Variants in TPGS2 observed in about 807,000 individuals in gnomAD.
The protein encoded by TPGS2 is tubulin polyglutamylase complex subunit 2, also known as polyglutamylase subunit 2.
Under a neutral mutation model 31.1 loss-of-function variants are expected in TPGS2, and 26 were observed. The observed-to-expected ratio is 0.84, with a 90% confidence interval of 0.61 to 1.16. The LOEUF (loss-of-function observed/expected upper bound fraction) is 1.16, where lower values mean the gene tolerates loss of function less well. Among genes scored for constraint, TPGS2 ranks in the 50% most tolerant of loss-of-function variants. The probability of loss-of-function intolerance (pLI) is 0.00; values close to 1 mark genes in which losing one functional copy is unlikely to be tolerated. For missense variants in TPGS2, 351 were observed against 363.8 expected, an observed-to-expected ratio of 0.96 and a Z score of 0.29; for synonymous variants, 130 against 136.6, an observed-to-expected ratio of 0.95 and a Z score of 0.34.
At position 36,816,554 on chromosome 18, in the gene TPGS2, C is replaced by G. The variant is rs556997681; in HGVS notation, c.165+2340G>C. ...GTCCTCTCACCTTCCAATCCAGGTC[C>G]TCAGCAGACAGGAAAACACGAGGAT... On this transcript the variant is annotated intron_variant, in intron 2 of 6. Transcript: ENST00000334295. Among the ~76,000 whole-genome samples, 43 of 152,322 alleles carry G rather than the reference C, an allele frequency of 2.8e-4. No individual in the cohort carries two copies. The East Asian group carries it at 8.1e-3, about 29-fold the overall frequency.
intron 6 of TPGS2, among the ~76,000 whole-genome samples, chr18:36,797,401 T>C (rs1568001419): frequency 6.6e-6 from 1 of 150,534 alleles, no homozygotes; most frequent in Admixed American, 6.7e-5. Context: ...TCAAACCAGC[T>C]ACTCCCCATC....
intron 2 of TPGS2, chr18:36,817,710 T>A (rs1369203393): frequency 6.6e-6 from 1 of 152,274 alleles, no homozygotes; most frequent in East Asian, 1.9e-4. Flanking sequence ...ACACTGAGAT[T>A]ACAAGCATGA....
In TPGS2 at chr18:36,795,195, T is replaced by C. The variant is rs1424830107; in HGVS notation, c.*1610A>G. The C allele has an allele frequency of 2.0e-6, 2 of 985,334 alleles. No individual in the cohort carries two copies. Among genetic ancestry groups the C allele is most frequent in the Non-Finnish European group, 2.4e-6 (2 of 829,906 alleles). 61.0% of individuals were successfully genotyped at this position (985,334 alleles called of 1,614,324 possible). On this transcript the variant is annotated 3_prime_UTR_variant, in exon 7 of 7. Transcript: ENST00000334295. ...CTATCACTATTGTCAACAATCAAAA[T>C]AAACATGTTTCAGAGCAAAAGTGCA...
At chr18:36,781,195 C>T (rs1476843546), downstream of TPGS2, among the ~76,000 whole-genome samples, 1 of 152,078 alleles carries the variant, frequency 6.6e-6, no homozygotes, top group Non-Finnish European at 1.5e-5. Context: ...GGTCTGAGAC[C>T]CAGATGGTGG....
At chr18:36,799,145 A>G (rs1275298443) in intron 5 of TPGS2, among the ~76,000 whole-genome samples, 1 of 152,036 alleles carries the variant, frequency 6.6e-6, no homozygotes, top group Non-Finnish European at 1.5e-5. Context: ...CATTCTTACT[A>G]CTTCAAGCCT....
chr18:36,786,692 A>G (rs1048572143), intron 6 of TPGS2: 5 of 612,644 alleles, frequency 8.2e-6, no homozygotes, highest in African/African-American at 1.9e-5. Context: ...CACAAAAGGG[A>G]GGGGGTATGA....
intron 2 of TPGS2, among the ~76,000 whole-genome samples, chr18:36,811,944 T>C (rs1438113532): frequency 6.6e-6 from 1 of 152,164 alleles, no homozygotes; most frequent in African/African-American, 2.4e-5. Context: ...TGGCAATGTG[T>C]CCTATTAAAT....
intron 2 of TPGS2, among the ~76,000 whole-genome samples, chr18:36,810,213 T>G (rs1483656368): frequency 6.6e-6 from 1 of 152,194 alleles, no homozygotes; most frequent in Non-Finnish European, 1.5e-5. Flanking sequence ...GCCTTCCTAC[T>G]GCATGTAGCT....
At chr18:36,803,167 A>G (rs1253529165) in intron 4 of TPGS2, among the ~76,000 whole-genome samples, 1 of 152,152 alleles carries the variant, frequency 6.6e-6, no homozygotes, top group Admixed American at 6.5e-5. Context: ...AGCTATTTTG[A>G]AATATACATT....
At chr18:36,811,244 G>A (rs1387537436) in intron 2 of TPGS2, among the ~76,000 whole-genome samples, 1 of 152,208 alleles carries the variant, frequency 6.6e-6, no homozygotes, top group Non-Finnish European at 1.5e-5. Flanking sequence ...GATGGTGTGA[G>A]ATCCCCAAGA....
chr18:36,786,658 C>A (rs1338570265), intron 6 of TPGS2: 1 of 430,286 alleles, frequency 2.3e-6, no homozygotes, highest in African/African-American at 2.0e-5. Flanking sequence ...AATATCAATG[C>A]TGATCAGTTG....
chr18:36,819,489 GA>G (rs2045805290), intron 1 of TPGS2, among the ~76,000 whole-genome samples: 1 of 152,110 alleles, frequency 6.6e-6, no homozygotes, highest in Non-Finnish European at 1.5e-5. Context: ...AATATACTAA[GA>G]AAAAAGTTAA....
In TPGS2 at chr18:36,803,704, A is replaced by G. The variant is rs536745345; in HGVS notation, c.382+1670T>C. Among the ~76,000 whole-genome samples, 258 of 152,150 alleles carry G rather than the reference A, an allele frequency of 1.7e-3. 1 individual carries two copies. The highest frequency in any genetic ancestry group is 2.6e-3 in the Non-Finnish European group (174 of 68,012). On this transcript the variant is annotated intron_variant, in intron 4 of 6. Coordinates refer to ENST00000334295, the MANE Select transcript of TPGS2 (RefSeq NM_015476.4). ...ATCTATGCTTTAAGATATTTCTTGCACTTGATTTTTCAGGCTAACTCAGGT... is the reference window on the plus strand; with the variant it reads ...ATCTATGCTTTAAGATATTTCTTGCGCTTGATTTTTCAGGCTAACTCAGGT...
rs753558674 is a variant in TPGS2 at position 36,828,779 on chromosome 18, G to C, written c.-12C>G. ...GCCTCCTCCTCCATGGCTCGCGACCGCGATTCGCGCGCGGCGGGAGCGGGT... is the reference window on the plus strand; with the variant it reads ...GCCTCCTCCTCCATGGCTCGCGACCCCGATTCGCGCGCGGCGGGAGCGGGT... On this transcript the variant is annotated 5_prime_UTR_variant, in exon 1 of 7. Transcript: ENST00000334295. 1.9e-6 allele frequency: 3 copies of C among 1,612,006 alleles called. No homozygotes were observed. Among genetic ancestry groups the C allele is most frequent in the Non-Finnish European group, 2.5e-6 (3 of 1,179,368 alleles).
chr18:36,804,502 A>G (rs1021189910), intron 4 of TPGS2, among the ~76,000 whole-genome samples: 5 of 152,264 alleles, frequency 3.3e-5, no homozygotes, highest in African/African-American at 1.2e-4. Context: ...GGCTCTTTCC[A>G]GGGCCCATCA....
chr18:36,821,467 T>G (rs2045892522), intron 1 of TPGS2, among the ~76,000 whole-genome samples: 1 of 152,182 alleles, frequency 6.6e-6, no homozygotes, highest in African/African-American at 2.4e-5. Context: ...TGTTATCCAG[T>G]GATTGATAAC....
chr18:36,795,687 C>T lies in TPGS2; in HGVS notation c.*1118G>A, dbSNP rs1395788202. 1.0e-6 allele frequency: 1 copy of T among 985,218 alleles called. No individual in the cohort carries two copies. Among genetic ancestry groups the T allele is most frequent in the African/African-American group, 1.7e-5 (1 of 57,208 alleles). 61.0% of individuals were successfully genotyped at this position (985,218 alleles called of 1,614,324 possible). ...TTAAGCATATGTGGGCTAGAGGTTC[C>T]CCCATATGTCAATGGGAAAATGATT... is the stretch of plus-strand genomic sequence containing the variant. On this transcript the variant is annotated 3_prime_UTR_variant, in exon 7 of 7. Coordinates refer to ENST00000334295, the MANE Select transcript of TPGS2 (RefSeq NM_015476.4).
rs1567999422 is a variant in TPGS2, at chr18:36,796,155, A to C, written c.*650T>G. 4 of 985,322 alleles carry C rather than the reference A, an allele frequency of 4.1e-6. No individual in the cohort carries two copies. Among genetic ancestry groups the C allele is most frequent in the Non-Finnish European group, 4.8e-6 (4 of 829,958 alleles). 61.0% of individuals were successfully genotyped at this position (985,322 alleles called of 1,614,324 possible). Reference sequence around the variant, plus strand: ...GTGGTAAGGGATACAAAGAACATACAATTGTGTACTTGAGAGGTTTCATGG... The same window carrying C: ...GTGGTAAGGGATACAAAGAACATACCATTGTGTACTTGAGAGGTTTCATGG... On this transcript the variant is annotated 3_prime_UTR_variant, in exon 7 of 7. Transcript: ENST00000334295.
intron 1 of TPGS2, among the ~76,000 whole-genome samples, chr18:36,821,675 G>A (rs574848204): frequency 2.0e-4 from 30 of 152,306 alleles, no homozygotes; most frequent in African/African-American, 7.2e-4. Context: ...GTAATTATGT[G>A]TTAAACTAGG....
Sources: gnomAD v4.1 joint callset for allele counts (sites outside exome capture counted in the v4.1 genomes callset) on GRCh38, gnomAD v4.1.1 for gene constraint, MANE v1.5 for transcripts, NCBI Gene and HGNC (gene_info 2026-07-23, HGNC 2026-07-21) for gene names.